Variants in DNAH5 observed in about 807,000 individuals in gnomAD.
DNAH5 encodes dynein axonemal heavy chain 5.
Under a neutral mutation model 518.2 loss-of-function variants are expected in DNAH5, and 372 were observed. The ratio of observed to expected loss-of-function variants is 0.72; its 90% confidence interval spans 0.66 to 0.78. The LOEUF is 0.78. DNAH5 is among the 30% of genes least tolerant of loss of function. DNAH5 has a pLI of 0.00. For synonymous variants in DNAH5, 2,039 were observed against 2,025.9 expected (o/e 1.01, Z -0.17); for missense variants, 5,523 against 5,687.0 (o/e 0.97, Z 0.93).
intron 5 of DNAH5, among the ~76,000 whole-genome samples, chr5:13,921,754 C>CCCA (rs1006214387): frequency 6.9e-6 from 1 of 144,598 alleles, no homozygotes; most frequent in African/African-American, 2.6e-5. Flanking sequence ...ACACACACCC[C>CCCA]CCCACACACA....
At chr5:13,997,847 A>ATT (rs570297298) in intron 1 of DNAH5, among the ~76,000 whole-genome samples, 39,503 of 144,282 alleles carry the variant, frequency 0.27, 5,635 homozygotes, top group East Asian at 0.53. Flanking sequence ...TCACAATTCT[A>ATT]TTTTTTTTTT....
rs1210725565 is a variant in DNAH5 at position 13,691,130 on chromosome 5, C to G, written c.*854G>C. ...TGACTATTGAATATTTATGATTTTTCCATTTTTTTCTGTTATTAAATGCAA... is the reference window on the plus strand; with the variant it reads ...TGACTATTGAATATTTATGATTTTTGCATTTTTTTCTGTTATTAAATGCAA... On this transcript the variant is annotated 3_prime_UTR_variant, in exon 79 of 79. Transcript: ENST00000265104. The G allele has an allele frequency of 6.6e-6, 1 of 152,080 alleles. No homozygotes were observed. The highest frequency in any genetic ancestry group is 1.5e-5 in the Non-Finnish European group (1 of 67,996). The allele number at this position is 152,080 out of a possible 1,614,324, so 9.4% of individuals were successfully genotyped here.
intron 12 of DNAH5, among the ~76,000 whole-genome samples, chr5:13,908,257 C>A (rs761854929): frequency 3.9e-5 from 6 of 152,166 alleles, no homozygotes; most frequent in Non-Finnish European, 8.8e-5. Flanking sequence ...AATGTTCCTG[C>A]ATTAAAAAAC....
chr5:13,919,368 GA>G lies in DNAH5; in HGVS notation c.799-17del. 3 of 1,610,972 alleles carry G rather than the reference GA, an allele frequency of 1.9e-6. No homozygotes were observed. The highest frequency in any genetic ancestry group is 2.5e-6 in the Non-Finnish European group (3 of 1,179,396). On this transcript the variant is annotated splice_polypyrimidine_tract_variant and intron_variant, in intron 6 of 78. Transcript: ENST00000265104. ...CAGCAAGAACCTGCAAATGCGCGGG[GA>G]AAAACACGAGCCATTGCACGGGGCT...
At chr5:13,898,534 A>G (rs751134839) in intron 15 of DNAH5, 2 of 398,558 alleles carry the variant, frequency 5.0e-6, no homozygotes, top group Non-Finnish European at 8.8e-6. Flanking sequence ...TGGGAAGACG[A>G]TGGACTACAA....
chr5:13,786,195 A>T lies in DNAH5; in HGVS notation c.8804T>A (p.Met2935Lys). The change falls in exon 52 of 79, where the codon ATG (methionine) becomes AAG (lysine). Residue 2935 changes from methionine (M) to lysine (K), a missense_variant. Coordinates refer to ENST00000265104, the MANE Select transcript of DNAH5 (RefSeq NM_001369.3). Reference sequence around the variant, plus strand: ...CTACTGTACCTTGACTAAGTGAACCATGGCATCTGCAAAGAACACCATGTC... The same window carrying T: ...CTACTGTACCTTGACTAAGTGAACCTTGGCATCTGCAAAGAACACCATGTC... The part of the protein sequence containing the change: ...GMDMVFFADA[M>K]VHLVKISRVI... 6.2e-7 allele frequency: 1 copy of T among 1,614,026 alleles called. No homozygotes were observed. The highest frequency in any genetic ancestry group is 8.5e-7 in the Non-Finnish European group (1 of 1,179,948).
chr5:13,783,805 C>G (rs931559981), intron 52 of DNAH5, among the ~76,000 whole-genome samples: 6 of 152,186 alleles, frequency 3.9e-5, no homozygotes, highest in Non-Finnish European at 7.3e-5. Context: ...TGCCTTGTAA[C>G]TAGGCCACGT....
intron 24 of DNAH5, among the ~76,000 whole-genome samples, 192 bp downstream of exon 24, chr5:13,870,575 G>A (rs914394989): frequency 3.9e-5 from 6 of 152,236 alleles, no homozygotes; most frequent in African/African-American, 1.4e-4. Context: ...AAGGACCTTA[G>A]GCGACATGTG....
chr5:13,792,202 C>A lies in DNAH5; in HGVS notation c.8240G>T (p.Gly2747Val). Residue 2747 changes from glycine (G) to valine (V), a missense_variant, in exon 50 of 79, where the codon GGC becomes GTC. Physicochemically the swap from Gly to Val is moderately radical, Grantham distance 109. Transcript: ENST00000265104. ...GAAACCCCTCTGAGTACAGTAGTGG[C>A]CTACCCCAATCACACCTGAAAAGGG... The part of the protein sequence containing the change: ...VDKIFGVIGV[G>V]HYCTQRGFSE... 6.2e-7 allele frequency: 1 copy of A among 1,613,856 alleles called. No homozygotes were observed. The highest frequency in any genetic ancestry group is 8.5e-7 in the Non-Finnish European group (1 of 1,179,832).
chr5:13,904,537 ATG>A lies in DNAH5; in HGVS notation c.1645-2401_1645-2400del, dbSNP rs141766674. Reference sequence around the variant, plus strand: ...TATATGGATTCTATGTATGTGGATTATGTGTGTGTGTGTGTTTGTATTATACG... The same window carrying A: ...TATATGGATTCTATGTATGTGGATTATGTGTGTGTGTGTTTGTATTATACG... On this transcript the variant is annotated intron_variant, in intron 12 of 78. Transcript: ENST00000265104. 7.9e-3 allele frequency among the ~76,000 whole-genome samples: 1,182 copies of A among 150,310 alleles called. 9 individuals are homozygous for A. Among genetic ancestry groups the A allele is most frequent in the Middle Eastern group, 0.024 (7 of 286 alleles).
chr5:13,918,165 G>C (rs1479925306), intron 7 of DNAH5, among the ~76,000 whole-genome samples: 1 of 152,154 alleles, frequency 6.6e-6, no homozygotes, highest in African/African-American at 2.4e-5. Context: ...TCTAGGTTGG[G>C]GACTCTCTTG....
Position 13,864,490 on chromosome 5 carries a change from G to A in DNAH5, c.4503C>T (p.Thr1501=), listed in dbSNP as rs1274424263. 1.9e-6 allele frequency: 3 copies of A among 1,614,016 alleles called. No homozygotes were observed. The highest frequency in any genetic ancestry group is 2.5e-6 in the Non-Finnish European group (3 of 1,180,036). Reference sequence around the variant, plus strand: ...CCACATCCAGACTGTGCCCGGTGAGGGTGGTTATCCTTTCCCAGTGCCGCT... The same window carrying A: ...CCACATCCAGACTGTGCCCGGTGAGAGTGGTTATCCTTTCCCAGTGCCGCT... ...MMERHWERIT[T]LTGHSLDVGN... The change falls in exon 28 of 79, where the codon ACC becomes ACT. Residue 1501 remains threonine, a synonymous_variant. Coordinates refer to ENST00000265104, the MANE Select transcript of DNAH5 (RefSeq NM_001369.3).
At chr5:13,922,436 A>C in intron 4 of DNAH5, 108 bp from the exon 5 acceptor site, 2 of 1,174,148 alleles carry the variant, frequency 1.7e-6, no homozygotes, top group Middle Eastern at 4.8e-4. Flanking sequence ...CCAGTAAATT[A>C]TTAGTTTGTG....
rs11744918 is a variant in DNAH5 at position 13,835,595 on chromosome 5, T to C, written c.5882+3761A>G. On this transcript the variant is annotated intron_variant, in intron 35 of 78. Transcript: ENST00000265104. ...GATCTGCATTTACATATTAAAAGGC[T>C]GGGGTTGGAGGGCCAGTTTTTTCGA... 3.0e-3 allele frequency among the ~76,000 whole-genome samples: 451 copies of C among 152,232 alleles called. 1 individual carries two copies. Among genetic ancestry groups the C allele is most frequent in the Non-Finnish European group, 5.4e-3 (369 of 68,020 alleles).
At chr5:13,777,973 C>A (rs1231181235) in intron 53 of DNAH5, among the ~76,000 whole-genome samples, 1 of 152,138 alleles carries the variant, frequency 6.6e-6, no homozygotes, top group Admixed American at 6.5e-5. Context: ...AGTGAACCTA[C>A]AATCAGGAAA....
At chr5:14,000,115 G>A (rs761825446) in intron 1 of DNAH5, among the ~76,000 whole-genome samples, 1 of 151,856 alleles carries the variant, frequency 6.6e-6, no homozygotes, top group Non-Finnish European at 1.5e-5. Flanking sequence ...TTGGAAATAG[G>A]GTCTTTGCAG....
At position 13,891,140 on chromosome 5, in the gene DNAH5, GTAAA is replaced by G; in HGVS notation, c.2432-23_2432-20del. On this transcript the variant is annotated intron_variant, in intron 16 of 78. Coordinates refer to ENST00000265104, the MANE Select transcript of DNAH5 (RefSeq NM_001369.3). Reference sequence around the variant, plus strand: ...AGGTCCTCTTTGGGAAAAAATAAAAGTAAATAAAAGAGATTAGGTAAAGCATTTT... The same window carrying G: ...AGGTCCTCTTTGGGAAAAAATAAAAGTAAAAGAGATTAGGTAAAGCATTTT... The G allele has an allele frequency of 6.2e-7, 1 of 1,613,302 alleles. No homozygotes were observed. Among genetic ancestry groups the G allele is most frequent in the Non-Finnish European group, 8.5e-7 (1 of 1,179,576 alleles).
At chr5:13,976,728 C>T (rs1782284644) in intron 1 of DNAH5, among the ~76,000 whole-genome samples, 1 of 149,632 alleles carries the variant, frequency 6.7e-6, no homozygotes. Context: ...CACACATACA[C>T]ACACACACAC....
In DNAH5 at chr5:13,692,084, C is replaced by G. The variant is rs367709427; in HGVS notation, c.13775G>C (p.Arg4592Pro). 2 of 1,613,992 alleles carry G rather than the reference C, an allele frequency of 1.2e-6. No homozygotes were observed. Among genetic ancestry groups the G allele is most frequent in the African/African-American group, 2.7e-5 (2 of 75,010 alleles). ...YSCPIYKKPVRTDLNYIAAVD... is the reference protein window; with the variant it reads ...YSCPIYKKPVPTDLNYIAAVD... ...AGCGGCAATGTAGTTCAAGTCCGTTCGAACTGGCTTCTTATAGATGGGACA... is the reference window on the plus strand; with the variant it reads ...AGCGGCAATGTAGTTCAAGTCCGTTGGAACTGGCTTCTTATAGATGGGACA... Residue 4592 changes from arginine to proline, a missense_variant, in exon 79 of 79, where the codon CGA (arginine) becomes CCA (proline). Around this residue, in one of 3 missense-constraint regions of DNAH5, gnomAD observed 387 missense variants for 430.0 expected, o/e 0.90. Coordinates refer to ENST00000265104, the MANE Select transcript of DNAH5 (RefSeq NM_001369.3).
Sources: allele counts gnomAD v4.1 joint callset (sites outside exome capture counted in the v4.1 genomes callset), GRCh38; gene constraint gnomAD v4.1.1; regional missense constraint gnomAD v4.1.1; transcripts MANE v1.5; gene names NCBI Gene and HGNC (gene_info 2026-07-23, HGNC 2026-07-21).